Variants in TENM2 observed in about 807,000 individuals in gnomAD.
The protein encoded by TENM2 is teneurin-2.
Under a neutral mutation model 245.2 loss-of-function variants are expected in TENM2, and 52 were observed. The observed-to-expected ratio is 0.21, with a 90% CI of 0.17 to 0.27. The LOEUF is 0.27. TENM2 is among the 10% of genes least tolerant of loss of function. The pLI is 1.00. For missense variants in TENM2, 3,046 were observed against 3,666.8 expected (o/e 0.83, Z 4.37); for synonymous variants, 1,363 against 1,438.9 (o/e 0.95, Z 1.19).
At chr5:167,298,108 T>C (rs901924957) in intron 1 of TENM2, among the ~76,000 whole-genome samples, 1 of 152,048 alleles carries the variant, frequency 6.6e-6, no homozygotes, top group East Asian at 2.0e-4. Flanking sequence ...GGGAAAATTT[T>C]TGGGGGTGGG....
At chr5:167,868,736 TAAAAAA>T (rs11345222) in intron 2 of TENM2, among the ~76,000 whole-genome samples, 1 of 123,470 alleles carries the variant, frequency 8.1e-6, no homozygotes, top group Non-Finnish European at 1.7e-5. Flanking sequence ...AGATTCTGTC[TAAAAAA>T]AAAAAAAAAA....
the TENM2 span, among the ~76,000 whole-genome samples, chr5:166,985,089 TG>T: frequency 6.6e-6 from 1 of 152,190 alleles, no homozygotes; most frequent in African/African-American, 2.4e-5. Flanking sequence ...TAAAGATTTT[TG>T]CTCTTTATGT....
the TENM2 span, among the ~76,000 whole-genome samples, chr5:167,059,337 A>C: frequency 6.6e-6 from 1 of 152,178 alleles, no homozygotes; most frequent in Non-Finnish European, 1.5e-5. Context: ...AACAGAGAGA[A>C]TGTTAATTAA....
intron 3 of TENM2, among the ~76,000 whole-genome samples, chr5:167,899,255 T>A (rs1288662748): frequency 1.3e-5 from 2 of 151,218 alleles, no homozygotes; most frequent in African/African-American, 4.9e-5. Flanking sequence ...AGGAGAAGAG[T>A]CACGTTAATG....
chr5:167,532,798 ATATATT>A (rs890263030), intron 2 of TENM2, among the ~76,000 whole-genome samples: 37 of 133,638 alleles, frequency 2.8e-4, no homozygotes, highest in African/African-American at 9.3e-4. Flanking sequence ...ATATACACAT[ATATATT>A]TGTGTGTATG....
At chr5:168,168,485 G>A (rs1189490865) in intron 13 of TENM2, among the ~76,000 whole-genome samples, 1 of 152,120 alleles carries the variant, frequency 6.6e-6, no homozygotes, top group East Asian at 1.9e-4. Flanking sequence ...TTCAAGACCA[G>A]CCTCGGCAAC....
At chr5:167,849,819 A>G (rs1258586697) in intron 2 of TENM2, among the ~76,000 whole-genome samples, 1 of 152,230 alleles carries the variant, frequency 6.6e-6, no homozygotes, top group Non-Finnish European at 1.5e-5. Flanking sequence ...ACAGCCAGAT[A>G]GAAGAGATGC....
At chr5:167,229,639 C>T in the TENM2 span, among the ~76,000 whole-genome samples, 3 of 152,146 alleles carry the variant, frequency 2.0e-5, no homozygotes, top group African/African-American at 7.2e-5. Context: ...AGGGAAGTTT[C>T]AGATGCCACT....
chr5:167,324,038 C>A (rs1756935949), intron 1 of TENM2, among the ~76,000 whole-genome samples: 1 of 152,142 alleles, frequency 6.6e-6, no homozygotes, highest in African/African-American at 2.4e-5. Context: ...TTAGCCGTGA[C>A]CTTCATTGGA....
At chr5:167,573,071 CT>C (rs67034616) in intron 2 of TENM2, among the ~76,000 whole-genome samples, 79,806 of 148,906 alleles carry the variant, frequency 0.54, 24,225 homozygotes, top group Middle Eastern at 0.67. Flanking sequence ...GGTGTGGGCT[CT>C]TTTTTTTTTT....
intron 2 of TENM2, among the ~76,000 whole-genome samples, chr5:167,705,306 C>T (rs1758428853): frequency 6.6e-6 from 1 of 152,088 alleles, no homozygotes. Context: ...AATGGATGAG[C>T]AAATATTTAA....
intron 1 of TENM2, among the ~76,000 whole-genome samples, chr5:167,324,263 C>T (rs186066591): frequency 2.4e-4 from 36 of 152,230 alleles, no homozygotes; most frequent in Admixed American, 6.5e-4. Flanking sequence ...TTGAGAGATG[C>T]AGTAGCATGC....
chr5:167,669,110 A>G (rs1234971515), intron 2 of TENM2, among the ~76,000 whole-genome samples: 1 of 152,160 alleles, frequency 6.6e-6, no homozygotes, highest in Non-Finnish European at 1.5e-5. Flanking sequence ...AAAGAGGAGG[A>G]GCATTTCTAA....
chr5:167,502,128 C>T (rs772971758), intron 2 of TENM2, among the ~76,000 whole-genome samples: 16 of 152,096 alleles, frequency 1.1e-4, no homozygotes, highest in Non-Finnish European at 2.2e-4. Flanking sequence ...CTTGTAATAT[C>T]GCCAGCATAC....
chr5:167,281,815 A>G (rs925632903), upstream of TENM2, among the ~76,000 whole-genome samples: 7 of 152,098 alleles, frequency 4.6e-5, no homozygotes, highest in Non-Finnish European at 1.0e-4. Flanking sequence ...CCTGGCCAAC[A>G]TGGTGAAACC....
chr5:167,277,827 G>A, the TENM2 span, among the ~76,000 whole-genome samples: 1 of 149,646 alleles, frequency 6.7e-6, no homozygotes, highest in South Asian at 2.2e-4. Context: ...CCATGTCCAT[G>A]TCCTCTTGGA....
chr5:167,785,184 G>A (rs779200590), intron 2 of TENM2, among the ~76,000 whole-genome samples: 18 of 152,116 alleles, frequency 1.2e-4, no homozygotes, highest in Non-Finnish European at 2.2e-4. Context: ...TCTCTCATTC[G>A]CCTATCCTGT....
the TENM2 span, among the ~76,000 whole-genome samples, chr5:167,000,805 G>A: frequency 2.0e-5 from 3 of 152,064 alleles, no homozygotes; most frequent in South Asian, 2.1e-4. Context: ...AGCTCTATTC[G>A]TAGAAAATTG....
At chr5:167,607,748 A>G (rs1777158766) in intron 2 of TENM2, among the ~76,000 whole-genome samples, 1 of 152,188 alleles carries the variant, frequency 6.6e-6, no homozygotes, top group Non-Finnish European at 1.5e-5. Context: ...ATACTGTGCT[A>G]GATAAGAATG....
Sources: gnomAD v4.1 joint callset for allele counts (sites outside exome capture counted in the v4.1 genomes callset) on GRCh38, gnomAD v4.1.1 for gene constraint, MANE v1.5 for transcripts, NCBI Gene and HGNC (gene_info 2026-07-23, HGNC 2026-07-21) for gene names.